ADAM18: variants seen among roughly 807,000 people sequenced by gnomAD.
The protein encoded by ADAM18 is ADAM metallopeptidase domain 18.
Under a neutral mutation model 94.4 loss-of-function variants are expected in ADAM18, and 117 were observed. That is an observed-to-expected ratio of 1.24 (90% CI 1.07 to 1.45). The LOEUF (loss-of-function observed/expected upper bound fraction) is 1.45, where lower values mean the gene tolerates loss of function less well. Ranked by LOEUF, ADAM18 falls within the 40% of genes most tolerant of loss-of-function variation. ADAM18 has a pLI of 0.00. For missense variants in ADAM18, 936 were observed against 880.0 expected (o/e 1.06, Z -0.81); for synonymous variants, 327 against 291.6 (o/e 1.12, Z -1.24).
chr8:39,631,453 A>G, intron 7 of ADAM18, among the ~76,000 whole-genome samples: 1 of 151,906 alleles, frequency 6.6e-6, no homozygotes, highest in African/African-American at 2.4e-5. Flanking sequence ...CTCTTACTCC[A>G]TTCAGTTGTG....
In ADAM18 at chr8:39,663,891, G is replaced by A. The variant is rs1432588269; in HGVS notation, c.1326+1G>A. The stretch of plus-strand genomic sequence containing the variant: ...ACCATGTTGTACATCAAAGTGTGAG[G>A]TAAGTTACTAACATTCATTAAAAGC... On this transcript the variant is annotated splice_donor_variant, in intron 13 of 19. Transcript: ENST00000265707. LOFTEE classifies it high-confidence loss of function. 5 of 1,605,538 alleles carry A rather than the reference G, an allele frequency of 3.1e-6. No homozygotes were observed. The highest frequency in any genetic ancestry group is 1.7e-5 in the Admixed American group (1 of 58,502).
At chr8:39,684,902 T>C (rs1330658887) in intron 16 of ADAM18, among the ~76,000 whole-genome samples, 2 of 152,160 alleles carry the variant, frequency 1.3e-5, no homozygotes, top group Admixed American at 6.5e-5. Context: ...TGAGGGAGCA[T>C]TGTGAAACTC....
intron 7 of ADAM18, among the ~76,000 whole-genome samples, chr8:39,630,766 T>C (rs1819910972): frequency 6.6e-6 from 1 of 151,982 alleles, no homozygotes; most frequent in African/African-American, 2.4e-5. Context: ...AATTGTTATA[T>C]CATGGGATTG....
intron 18 of ADAM18, among the ~76,000 whole-genome samples, chr8:39,720,618 AC>A: frequency 6.6e-6 from 1 of 151,686 alleles, no homozygotes; most frequent in East Asian, 1.9e-4. Flanking sequence ...ACACATCAAA[AC>A]AAAAAATATT....
chr8:39,665,661 C>T (rs1820977033), intron 13 of ADAM18, among the ~76,000 whole-genome samples: 1 of 151,940 alleles, frequency 6.6e-6, no homozygotes, highest in South Asian at 2.1e-4. Context: ...GTTATTTGTA[C>T]CTTTTAAAAA....
At chr8:39,648,612 A>C in intron 12 of ADAM18, 85 bp downstream of exon 12, 1 of 1,213,430 alleles carries the variant, frequency 8.2e-7, no homozygotes. Flanking sequence ...TATATAAATG[A>C]TATATGCAAC....
chr8:39,584,634 C>G lies in ADAM18; in HGVS notation c.12C>G (p.Leu4=), dbSNP rs1390740859. 2.5e-6 allele frequency: 4 copies of G among 1,613,236 alleles called. No homozygotes were observed. In the South Asian group the frequency reaches 4.4e-5, roughly 18 times the overall value. Residue 4 remains leucine, a synonymous_variant, in exon 1 of 20, where the codon CTC becomes CTG. Coordinates refer to ENST00000265707, the MANE Select transcript of ADAM18 (RefSeq NM_014237.3). ...GCTCTGGCTGAGCCATGTTCCTTCTCCTCGCCCTCCTCACTGAGCTTGGAA... is the reference window on the plus strand; with the variant it reads ...GCTCTGGCTGAGCCATGTTCCTTCTGCTCGCCCTCCTCACTGAGCTTGGAA... The part of the protein sequence containing the change: MFL[L]LALLTELGRL...
intron 15 of ADAM18, among the ~76,000 whole-genome samples, 172 bp downstream of exon 15, chr8:39,677,708 T>C (rs887025176): frequency 2.0e-5 from 3 of 152,126 alleles, no homozygotes; most frequent in Non-Finnish European, 2.9e-5. Context: ...TCCCTTGATA[T>C]CATCCTAAAA....
intron 17 of ADAM18, among the ~76,000 whole-genome samples, chr8:39,701,306 T>C (rs556595891): frequency 2.6e-5 from 4 of 151,696 alleles, no homozygotes; most frequent in South Asian, 4.2e-4. Context: ...TTTTTGCTTG[T>C]ATTTGCTGAT....
At chr8:39,649,403 A>T (rs2129579635) in intron 12 of ADAM18, among the ~76,000 whole-genome samples, 1 of 151,996 alleles carries the variant, frequency 6.6e-6, no homozygotes, top group East Asian at 1.9e-4. Context: ...TATGTTTCCA[A>T]TTATCTCATA....
chr8:39,584,893 G>A (rs1286400403), intron 1 of ADAM18, among the ~76,000 whole-genome samples: 1 of 152,080 alleles, frequency 6.6e-6, no homozygotes, highest in African/African-American at 2.4e-5. Flanking sequence ...CAGCGCCCAT[G>A]GTCTCAGTGG....
At chr8:39,653,466 A>G (rs1440350972) in intron 12 of ADAM18, among the ~76,000 whole-genome samples, 1 of 152,206 alleles carries the variant, frequency 6.6e-6, no homozygotes, top group Non-Finnish European at 1.5e-5. Context: ...TATAAACACC[A>G]ACATAAGTCA....
intron 17 of ADAM18, among the ~76,000 whole-genome samples, chr8:39,703,132 A>G (rs1822135240): frequency 6.6e-6 from 1 of 152,066 alleles, no homozygotes; most frequent in South Asian, 2.1e-4. Flanking sequence ...ATGTTTTTCT[A>G]TTTATTTGTG....
intron 7 of ADAM18, among the ~76,000 whole-genome samples, chr8:39,635,180 T>C (rs1820044214): frequency 6.6e-6 from 1 of 152,200 alleles, no homozygotes; most frequent in Non-Finnish European, 1.5e-5. Context: ...CTCCCAGAAA[T>C]GTGAGGAAAT....
At chr8:39,666,365 G>A (rs115545023) in intron 13 of ADAM18, among the ~76,000 whole-genome samples, 150 of 152,186 alleles carry the variant, frequency 9.9e-4, no homozygotes, top group African/African-American at 3.4e-3. Context: ...GTCTAGGAAA[G>A]TCTTTGTGTC....
chr8:39,713,053 C>G (rs1385686996), intron 18 of ADAM18, among the ~76,000 whole-genome samples: 1 of 152,152 alleles, frequency 6.6e-6, no homozygotes, highest in Non-Finnish European at 1.5e-5. Flanking sequence ...TACAAGGTTA[C>G]AGTAACCAAA....
intron 18 of ADAM18, among the ~76,000 whole-genome samples, chr8:39,710,311 A>G (rs1275353428): frequency 2.6e-5 from 4 of 152,228 alleles, no homozygotes; most frequent in Non-Finnish European, 5.9e-5. Flanking sequence ...GGAAAAATAG[A>G]TGAAATGAGT....
intron 2 of ADAM18, among the ~76,000 whole-genome samples, chr8:39,603,230 G>A (rs1273715322): frequency 6.6e-6 from 1 of 152,024 alleles, no homozygotes; most frequent in African/African-American, 2.4e-5. Flanking sequence ...CGTCCATTTT[G>A]TTTTGCCAAT....
chr8:39,615,134 C>T (rs1161306310), intron 6 of ADAM18, among the ~76,000 whole-genome samples: 1 of 151,898 alleles, frequency 6.6e-6, no homozygotes, highest in East Asian at 1.9e-4. Flanking sequence ...AACACTCCAC[C>T]CTAAGAACAG....
Sources: gnomAD v4.1 joint callset for allele counts (sites outside exome capture counted in the v4.1 genomes callset) on GRCh38, gnomAD v4.1.1 for gene constraint, MANE v1.5 for transcripts, NCBI Gene and HGNC (gene_info 2026-07-23, HGNC 2026-07-21) for gene names.